Variants in PTER observed in about 807,000 individuals in gnomAD.
PTER encodes phosphotriesterase related.
A neutral mutation model predicts 29.6 loss-of-function variants in PTER; 38 were observed. The ratio of observed to expected loss-of-function variants is 1.28; its 90% CI spans 0.99 to 1.68. The LOEUF (loss-of-function observed/expected upper bound fraction) is 1.68. Ranked by LOEUF, PTER falls within the 40% of genes most tolerant of loss-of-function variation. The pLI, the probability that PTER is intolerant of heterozygous loss-of-function variation, is 0.00. For missense variants in PTER, 482 were observed against 427.8 expected (o/e 1.13, Z -1.12); for synonymous variants, 172 against 154.5 (o/e 1.11, Z -0.84).
intron 3 of PTER, among the ~76,000 whole-genome samples, chr10:16,487,763 A>G (rs1268561158): frequency 6.6e-6 from 1 of 152,250 alleles, no homozygotes; most frequent in Non-Finnish European, 1.5e-5. Flanking sequence ...ATACAGCACC[A>G]GTGAGACTAA....
chr10:16,460,023 C>T (rs900946348), intron 1 of PTER, among the ~76,000 whole-genome samples: 3 of 152,190 alleles, frequency 2.0e-5, no homozygotes, highest in African/African-American at 7.2e-5. Context: ...GCTGGGATTA[C>T]AGGCAGGGGC....
At chr10:16,471,939 A>G (rs954320686) in intron 1 of PTER, among the ~76,000 whole-genome samples, 1 of 152,216 alleles carries the variant, frequency 6.6e-6, no homozygotes, top group African/African-American at 2.4e-5. Flanking sequence ...TACTTTTCAG[A>G]CAAGTTGGGC....
At chr10:16,463,049 C>T (rs561820464) in intron 1 of PTER, among the ~76,000 whole-genome samples, 39 of 151,794 alleles carry the variant, frequency 2.6e-4, no homozygotes, top group African/African-American at 8.7e-4. Flanking sequence ...AAAAATTAGT[C>T]GGGCTTGACG....
intron 1 of PTER, among the ~76,000 whole-genome samples, chr10:16,452,828 C>T (rs752140032): frequency 2.6e-5 from 4 of 152,236 alleles, no homozygotes; most frequent in Non-Finnish European, 1.5e-5. Flanking sequence ...TCTTGGCTCA[C>T]TGCAACCTCC....
At chr10:16,508,225 C>T (rs1020053328) in intron 4 of PTER, among the ~76,000 whole-genome samples, 8 of 151,946 alleles carry the variant, frequency 5.3e-5, no homozygotes, top group Non-Finnish European at 7.4e-5. Flanking sequence ...CCCGCCACCA[C>T]GCCCGGCTAA....
chr10:16,481,034 T>C (rs964237421), intron 1 of PTER, among the ~76,000 whole-genome samples: 5 of 152,244 alleles, frequency 3.3e-5, no homozygotes, highest in African/African-American at 1.2e-4. Flanking sequence ...TTTTCAGTTC[T>C]AGATGCATCA....
At chr10:16,461,605 C>T (rs370862084) in intron 1 of PTER, among the ~76,000 whole-genome samples, 6 of 152,156 alleles carry the variant, frequency 3.9e-5, no homozygotes, top group East Asian at 3.9e-4. Flanking sequence ...AGTCTTTCCC[C>T]AAAACACTTC....
At position 16,484,705 on chromosome 10, in the gene PTER, A is replaced by C; in HGVS notation, c.321A>C (p.Thr107=). The C allele has an allele frequency of 6.2e-7, 1 of 1,614,152 alleles. No individual in the cohort carries two copies. Among genetic ancestry groups the C allele is most frequent in the Non-Finnish European group, 8.5e-7 (1 of 1,180,012 alleles). ...CAACCACTGGGATTAGCCGAGACACACAGACGTTGAAGAGGCTTGCAGAAG... is the reference window on the plus strand; with the variant it reads ...CAACCACTGGGATTAGCCGAGACACCCAGACGTTGAAGAGGCTTGCAGAAG... ...ENTTTGISRD[T]QTLKRLAEET... The change falls in exon 2 of 5, where the codon ACA becomes ACC. Residue 107 remains threonine, a synonymous_variant. Coordinates refer to ENST00000535784, the MANE Select transcript of PTER (RefSeq NM_001261836.2).
intron 3 of PTER, among the ~76,000 whole-genome samples, 173 bp from the exon 4 acceptor site, chr10:16,504,847 C>G (rs910954412): frequency 6.6e-6 from 1 of 152,168 alleles, no homozygotes; most frequent in Non-Finnish European, 1.5e-5. Context: ...TTTCTAGTAA[C>G]AAATTGAACT....
At position 16,511,534 on chromosome 10, in the gene PTER, C is replaced by T. The variant is rs566804373; in HGVS notation, c.*278C>T. On this transcript the variant is annotated 3_prime_UTR_variant, in exon 5 of 5. Coordinates refer to ENST00000535784, the MANE Select transcript of PTER (RefSeq NM_001261836.2). ...TGATTTAAAGTCTATATCCCCTAAG[C>T]GGAGTTGTTGTTTTTCTCCCTAATC... 25 of 352,540 alleles carry T rather than the reference C, an allele frequency of 7.1e-5. No individual in the cohort carries two copies. Among genetic ancestry groups the T allele is most frequent in the African/African-American group, 2.8e-4 (14 of 49,534 alleles). The allele number at this position is 352,540 out of a possible 1,614,324, so 21.8% of individuals were successfully genotyped here.
In PTER at chr10:16,513,361, T is replaced by C. The variant is rs1447557965; in HGVS notation, c.*2105T>C. 6.6e-6 allele frequency: 1 copy of C among 152,552 alleles called. No individual in the cohort carries two copies. The highest frequency in any genetic ancestry group is 1.5e-5 in the Non-Finnish European group (1 of 67,984). The allele number at this position is 152,552 out of a possible 1,614,324, so 9.4% of individuals were successfully genotyped here. ...CTTTTTTATATTAAAATTTTGAGGC[T>C]ATACAGCCACTGTGCCCTGTGGAAT... On this transcript the variant is annotated 3_prime_UTR_variant, in exon 5 of 5. Coordinates refer to ENST00000535784, the MANE Select transcript of PTER (RefSeq NM_001261836.2).
intron 1 of PTER, among the ~76,000 whole-genome samples, chr10:16,474,397 C>A (rs1835176574): frequency 6.6e-6 from 1 of 152,212 alleles, no homozygotes; most frequent in African/African-American, 2.4e-5. Flanking sequence ...TCAAATAATT[C>A]TTTGTTCTAA....
At chr10:16,508,828 G>A (rs1836699846) in intron 4 of PTER, among the ~76,000 whole-genome samples, 1 of 152,138 alleles carries the variant, frequency 6.6e-6, no homozygotes, top group Admixed American at 6.5e-5. Flanking sequence ...TGGGTTGCGT[G>A]TGCTCCAGTA....
At chr10:16,480,483 A>T (rs1175185336) in intron 1 of PTER, among the ~76,000 whole-genome samples, 1 of 152,170 alleles carries the variant, frequency 6.6e-6, no homozygotes, top group Non-Finnish European at 1.5e-5. Flanking sequence ...GGTGTGAGCC[A>T]CTGTGCCTGA....
At chr10:16,478,461 GTAGCTGGTAT>G (rs1427114557) in intron 1 of PTER, among the ~76,000 whole-genome samples, 1 of 151,704 alleles carries the variant, frequency 6.6e-6, no homozygotes, top group East Asian at 1.9e-4. Flanking sequence ...AGGCTTCTGA[GTAGCTGGTAT>G]TACAGGTGCC....
intron 1 of PTER, among the ~76,000 whole-genome samples, chr10:16,461,970 T>C (rs2133393654): frequency 6.6e-6 from 1 of 152,044 alleles, no homozygotes; most frequent in Admixed American, 6.6e-5. Context: ...CTGGAAGCCA[T>C]GACCGTATTT....
intron 3 of PTER, among the ~76,000 whole-genome samples, chr10:16,498,570 G>A (rs561139083): frequency 1.3e-5 from 2 of 152,246 alleles, no homozygotes; most frequent in African/African-American, 2.4e-5. Flanking sequence ...GTGACGGAGC[G>A]AGACTGTCTC....
chr10:16,455,341 G>A (rs551962409), intron 1 of PTER, among the ~76,000 whole-genome samples: 1 of 152,150 alleles, frequency 6.6e-6, no homozygotes, highest in African/African-American at 2.4e-5. Context: ...GGCCCCAATA[G>A]TTTCCTTGGT....
chr10:16,496,756 G>A (rs977508698), intron 3 of PTER, among the ~76,000 whole-genome samples: 1 of 152,068 alleles, frequency 6.6e-6, no homozygotes, highest in East Asian at 1.9e-4. Context: ...TGCTTTCCCA[G>A]CTCATGGCTG....
Sources: allele counts gnomAD v4.1 joint callset (sites outside exome capture counted in the v4.1 genomes callset), GRCh38; gene constraint gnomAD v4.1.1; transcripts MANE v1.5; gene names NCBI Gene and HGNC (gene_info 2026-07-23, HGNC 2026-07-21).